The following INPP4B variants were observed in gnomAD, a reference collection of about 807,000 sequenced individuals.
INPP4B encodes the protein inositol polyphosphate-4-phosphatase type II B.
A neutral mutation model predicts 122.5 loss-of-function variants in INPP4B; 55 were observed. That is an observed-to-expected ratio of 0.45 (90% CI 0.36 to 0.56). The LOEUF (loss-of-function observed/expected upper bound fraction) is 0.56. INPP4B is among the 20% of genes least tolerant of loss of function. INPP4B has a pLI of 0.00. For synonymous variants in INPP4B, 403 were observed against 388.7 expected (o/e 1.04, Z -0.43); for missense variants, 1,000 against 1,097.7 (o/e 0.91, Z 1.26).
intron 2 of INPP4B, among the ~76,000 whole-genome samples, chr4:142,529,002 CA>C (rs888911408): frequency 2.0e-5 from 3 of 151,866 alleles, no homozygotes; most frequent in Non-Finnish European, 2.9e-5. Context: ...AACAATTTTT[CA>C]AAAGAAAAAT....
At chr4:142,569,293 A>AT (rs141880193) in intron 2 of INPP4B, among the ~76,000 whole-genome samples, 5,943 of 143,994 alleles carry the variant, frequency 0.041, 129 homozygotes, top group Middle Eastern at 0.064. Flanking sequence ...ATAAACATGG[A>AT]TTTTTTTTTT....
At chr4:142,723,009 C>T (rs1367633322) in intron 2 of INPP4B, among the ~76,000 whole-genome samples, 3 of 134,514 alleles carry the variant, frequency 2.2e-5, no homozygotes, top group Non-Finnish European at 1.6e-5. Context: ...CAACATGTAT[C>T]ACATCTGTAT....
intron 1 of INPP4B, among the ~76,000 whole-genome samples, chr4:142,775,259 T>C (rs1773680808): frequency 6.6e-6 from 1 of 152,134 alleles, no homozygotes; most frequent in Non-Finnish European, 1.5e-5. Context: ...CATGCATTCT[T>C]CTTTACTGTA....
intron 7 of INPP4B, among the ~76,000 whole-genome samples, chr4:142,368,184 T>C (rs976417975): frequency 1.3e-5 from 2 of 152,188 alleles, no homozygotes; most frequent in Non-Finnish European, 1.5e-5. Context: ...ATTCTTTTCT[T>C]ATATGTCTTC....
intron 1 of INPP4B, among the ~76,000 whole-genome samples, chr4:142,742,337 G>T (rs1208392417): frequency 6.6e-6 from 1 of 151,984 alleles, no homozygotes; most frequent in Admixed American, 6.6e-5. Context: ...CTTCTGCTAA[G>T]TTGCATTTTT....
At chr4:142,159,470 T>A (rs1176577676) in intron 17 of INPP4B, among the ~76,000 whole-genome samples, 2 of 108,800 alleles carry the variant, frequency 1.8e-5, no homozygotes, top group Non-Finnish European at 4.0e-5. Context: ...TCAGATAACA[T>A]TTTTTTTTTT....
chr4:142,818,323 A>G (rs1260371758), intron 1 of INPP4B, among the ~76,000 whole-genome samples: 1 of 152,126 alleles, frequency 6.6e-6, no homozygotes, highest in Non-Finnish European at 1.5e-5. Flanking sequence ...CAGAAACAAC[A>G]CCAGGGCAGC....
intron 2 of INPP4B, among the ~76,000 whole-genome samples, chr4:142,722,897 T>C (rs1423622781): frequency 6.6e-6 from 1 of 152,168 alleles, no homozygotes; most frequent in Non-Finnish European, 1.5e-5. Context: ...GTTATGATGC[T>C]GTACTTTCAG....
chr4:142,216,065 T>A (rs1217777365), intron 12 of INPP4B, among the ~76,000 whole-genome samples: 1 of 152,166 alleles, frequency 6.6e-6, no homozygotes, highest in Non-Finnish European at 1.5e-5. Flanking sequence ...AGAATACTCC[T>A]ATCTGTAAAC....
rs151208365 is a variant in INPP4B, at chr4:142,639,923, A to T, written c.-191+85916T>A. On this transcript the variant is annotated intron_variant, in intron 2 of 25. Transcript: ENST00000262992. ...TCTCATCTACTTTAGTTGAAAAGAT[A>T]ATCTTTTCAACAAATGGTACTACTA... 2.7e-3 allele frequency among the ~76,000 whole-genome samples: 405 copies of T among 152,298 alleles called. 6 individuals are homozygous for T. The highest frequency in any genetic ancestry group is 0.018 in the East Asian group (95 of 5,180).
intron 7 of INPP4B, among the ~76,000 whole-genome samples, chr4:142,377,660 T>C (rs1278240053): frequency 6.6e-6 from 1 of 152,052 alleles, no homozygotes; most frequent in Non-Finnish European, 1.5e-5. Flanking sequence ...TGATGGAAAA[T>C]ATGAGCATTC....
intron 15 of INPP4B, among the ~76,000 whole-genome samples, chr4:142,183,745 T>C (rs1831908450): frequency 6.6e-6 from 1 of 152,206 alleles, no homozygotes; most frequent in Non-Finnish European, 1.5e-5. Flanking sequence ...TTGTTTCAGT[T>C]TGCAGCAAAG....
intron 25 of INPP4B, among the ~76,000 whole-genome samples, chr4:142,072,540 CTT>C (rs768906284): frequency 3.4e-4 from 46 of 134,388 alleles, no homozygotes; most frequent in Admixed American, 5.3e-4. Flanking sequence ...GTGGAAATGA[CTT>C]TTTTTTTTTT....
intron 7 of INPP4B, among the ~76,000 whole-genome samples, chr4:142,358,650 T>TA (rs11443003): frequency 0.65 from 76,651 of 117,612 alleles, 24,927 homozygotes; most frequent in East Asian, 0.82. Context: ...CAGTGATTTA[T>TA]AAAAAAAAAA....
intron 2 of INPP4B, among the ~76,000 whole-genome samples, chr4:142,611,946 G>C (rs531641321): frequency 8.9e-4 from 135 of 152,298 alleles, no homozygotes; most frequent in African/African-American, 3.0e-3. Context: ...TGGGATTATA[G>C]GCGTGAGCCA....
intron 2 of INPP4B, among the ~76,000 whole-genome samples, chr4:142,545,709 G>GTGTGTGTATACACATA (rs1829485786): frequency 9.3e-6 from 1 of 107,064 alleles, no homozygotes; most frequent in Non-Finnish European, 1.8e-5. Flanking sequence ...GTATATATAT[G>GTGTGTGTATACACATA]TGTGTGTATA....
intron 9 of INPP4B, among the ~76,000 whole-genome samples, chr4:142,297,908 G>C (rs547736724): frequency 6.6e-6 from 1 of 152,294 alleles, no homozygotes; most frequent in African/African-American, 2.4e-5. Context: ...TAATGCAAAA[G>C]GCAATGCTTG....
chr4:142,441,180 G>T (rs919129744), intron 3 of INPP4B, among the ~76,000 whole-genome samples: 1 of 152,146 alleles, frequency 6.6e-6, no homozygotes, highest in Non-Finnish European at 1.5e-5. Flanking sequence ...AAAAAGTAAA[G>T]ACTGTACTGA....
chr4:142,811,507 AT>A (rs1242031015), intron 1 of INPP4B, among the ~76,000 whole-genome samples: 12 of 152,326 alleles, frequency 7.9e-5, no homozygotes, highest in African/African-American at 2.9e-4. Context: ...CTATGTCATG[AT>A]TCAGAAAGGG....
Sources: gnomAD v4.1 joint callset for allele counts (sites outside exome capture counted in the v4.1 genomes callset) on GRCh38, gnomAD v4.1.1 for gene constraint, MANE v1.5 for transcripts, NCBI Gene and HGNC (gene_info 2026-07-23, HGNC 2026-07-21) for gene names.